DOT1L: variants seen among roughly 807,000 people sequenced by gnomAD.
DOT1L encodes DOT1 like histone lysine methyltransferase.
Under a neutral mutation model 153.3 loss-of-function variants are expected in DOT1L, and 33 were observed. The ratio of observed to expected loss-of-function variants is 0.22; its 90% confidence interval spans 0.16 to 0.29. The LOEUF (loss-of-function observed/expected upper bound fraction) is 0.29, where lower values mean the gene tolerates loss of function less well. Among genes scored for constraint, DOT1L ranks in the 10% least tolerant of loss-of-function variants. The pLI is 1.00. For missense variants in DOT1L, 1,847 were observed against 2,119.9 expected, an observed-to-expected ratio of 0.87 and a Z score of 2.53; for synonymous variants, 1,135 against 965.1, an observed-to-expected ratio of 1.18 and a Z score of -3.26.
At chr19:2,206,388 T>C (rs2023494010) in intron 9 of DOT1L, among the ~76,000 whole-genome samples, 2 of 151,860 alleles carry the variant, frequency 1.3e-5, no homozygotes, top group Admixed American at 6.6e-5. Flanking sequence ...TGAAACCCGC[T>C]CTCTACTAAA....
rs745700742 is a variant in DOT1L, at chr19:2,210,729, C to T, written c.1225C>T (p.Arg409Cys). ...LNKKGRKMAG[R>C]KRGRPKKMNT... ...CAAGAAGGGGAGGAAGATGGCTGGC[C>T]GCAAGCGCGGGCGCCCCAAGAAGAT... The change falls in exon 14 of 28, where the codon CGC (arginine) becomes TGC (cysteine). Residue 409 changes from arginine (R) to cysteine (C), a missense_variant. Physicochemically the swap from Arg to Cys is radical, Grantham distance 180. Transcript: ENST00000398665. The T allele has an allele frequency of 4.3e-6, 7 of 1,613,030 alleles. No individual in the cohort carries two copies. The highest frequency in any genetic ancestry group is 5.9e-6 in the Non-Finnish European group (7 of 1,180,014).
At chr19:2,194,677 G>GTTGGCACATGGCTT (rs1568343550) in intron 7 of DOT1L, 100 bp downstream of exon 7, 1 of 1,335,802 alleles carries the variant, frequency 7.5e-7, no homozygotes, top group African/African-American at 1.4e-5. Flanking sequence ...GCACATGGCT[G>GTTGGCACATGGCTT]TTGGCACATG....
chr19:2,214,765 C>G, intron 19 of DOT1L, 169 bp downstream of exon 19: 1 of 1,025,682 alleles, frequency 9.7e-7, no homozygotes, highest in East Asian at 2.9e-5. Flanking sequence ...CGCAGGCTGC[C>G]CGTGTGGATG....
rs1359433460 is a variant in DOT1L, at chr19:2,204,627, C to T, written c.787+1848C>T. Among the ~76,000 whole-genome samples the T allele has an allele frequency of 6.6e-6, 1 of 152,206 alleles. No individual in the cohort carries two copies. The highest frequency in any genetic ancestry group is 6.5e-5 in the Admixed American group (1 of 15,284). ...CAGACGTGGTGGCTGAGTCAGGGTACTGCAGTGGCGTCTTCTGTCCGGCCC... is the reference window on the plus strand; with the variant it reads ...CAGACGTGGTGGCTGAGTCAGGGTATTGCAGTGGCGTCTTCTGTCCGGCCC... On this transcript the variant is annotated intron_variant, in intron 9 of 27. Transcript: ENST00000398665. The surrounding 1 kb of genome is among the most constrained non-coding windows in gnomAD (Gnocchi z 5.7).
intron 1 of DOT1L, among the ~76,000 whole-genome samples, chr19:2,180,084 T>C (rs1343151244): frequency 6.6e-6 from 1 of 152,148 alleles, no homozygotes; most frequent in East Asian, 1.9e-4. Flanking sequence ...GGGAGGGATC[T>C]GTGTTAGGCC....
chr19:2,173,686 C>T (rs914748306), intron 1 of DOT1L, among the ~76,000 whole-genome samples: 7 of 152,232 alleles, frequency 4.6e-5, no homozygotes, highest in Admixed American at 1.3e-4. Context: ...GCGGGCTGCC[C>T]GGAAGACCTC....
At position 2,193,891 on chromosome 19, in the gene DOT1L, C is replaced by A; in HGVS notation, c.588+108C>A. On this transcript the variant is annotated intron_variant, in intron 6 of 27. Coordinates refer to ENST00000398665, the MANE Select transcript of DOT1L (RefSeq NM_032482.3). The surrounding 1 kb of genome is among the most constrained non-coding windows in gnomAD (Gnocchi z 5.9). ...CTGTGGGACTTCCGAGTCTGGGTGG[C>A]GTTCTTTCCAGGCCCAAGACGTCTT... The A allele has an allele frequency of 1.7e-6, 2 of 1,207,090 alleles. No individual in the cohort carries two copies. The highest frequency in any genetic ancestry group is 2.3e-6 in the Non-Finnish European group (2 of 859,724). 74.8% of individuals were successfully genotyped at this position (1,207,090 alleles called of 1,614,324 possible).
At chr19:2,209,841 C>T (rs1391682174) in intron 12 of DOT1L, among the ~76,000 whole-genome samples, 2 of 152,202 alleles carry the variant, frequency 1.3e-5, no homozygotes, top group Admixed American at 6.5e-5. Flanking sequence ...TGGTACCCCT[C>T]GGGGGCCCTC....
Position 2,227,558 on chromosome 19 carries a change from G to C in DOT1L, c.4606+431G>C, listed in dbSNP as rs2024404566. 5.4e-5 allele frequency: 36 copies of C among 671,046 alleles called. No individual in the cohort carries two copies. In the South Asian group the frequency reaches 6.3e-4, roughly 12 times the overall value. 41.6% of individuals were successfully genotyped at this position (671,046 alleles called of 1,614,324 possible). A position where few individuals can be genotyped will look rare whatever the true frequency, so the allele number is the denominator to read the frequency against. On this transcript the variant is annotated intron_variant, in intron 27 of 27. Transcript: ENST00000398665. ...TGGCCCTGGGGCTGCTGCGGGGCGGGGGGCCGGAGGGCGGAGGGCGGGCCA... is the reference window on the plus strand; with the variant it reads ...TGGCCCTGGGGCTGCTGCGGGGCGGCGGGCCGGAGGGCGGAGGGCGGGCCA...
chr19:2,220,580 C>T lies in DOT1L; in HGVS notation c.2806+358C>T, dbSNP rs1307409523. The T allele has an allele frequency of 2.1e-6, 1 of 465,618 alleles. No homozygotes were observed. Among genetic ancestry groups the T allele is most frequent in the Non-Finnish European group, 4.3e-6 (1 of 231,894 alleles). The allele number at this position is 465,618 out of a possible 1,614,324, so 28.8% of individuals were successfully genotyped here. On this transcript the variant is annotated intron_variant, in intron 23 of 27. Transcript: ENST00000398665. This position sits in a 1 kb window ranked among gnomAD's most constrained non-coding sequence, Gnocchi z 4.5. ...CTCCACACACAGCAGTGCCCAATGGCACACGACCGTGGGCCTCCGTGCTGG... is the reference window on the plus strand; with the variant it reads ...CTCCACACACAGCAGTGCCCAATGGTACACGACCGTGGGCCTCCGTGCTGG...
At position 2,231,890 on chromosome 19, in the gene DOT1L, G is replaced by A. The variant is rs1337035858; in HGVS notation, c.*2098G>A. 4.5e-6 allele frequency: 1 copy of A among 219,942 alleles called. No individual in the cohort carries two copies. Among genetic ancestry groups the A allele is most frequent in the Non-Finnish European group, 9.1e-6 (1 of 109,698 alleles). 13.6% of individuals were successfully genotyped at this position (219,942 alleles called of 1,614,324 possible). ...CCACCGTATGTTCAGGACACGCACT[G>A]GGTCTCAGAGCCACTGGCCCAGGCA... On this transcript the variant is annotated 3_prime_UTR_variant, in exon 28 of 28. Transcript: ENST00000398665.
At chr19:2,178,845 G>A (rs1432310360) in intron 1 of DOT1L, among the ~76,000 whole-genome samples, 1 of 152,230 alleles carries the variant, frequency 6.6e-6, no homozygotes, top group Non-Finnish European at 1.5e-5. Context: ...GATTCCAGGT[G>A]TGAGCCACCA....
rs1305729913 is a variant in DOT1L at position 2,213,610 on chromosome 19, C to G, written c.1629C>G (p.Ile543Met). 13 of 1,613,762 alleles carry G rather than the reference C, an allele frequency of 8.1e-6. No individual in the cohort carries two copies. Among genetic ancestry groups the G allele is most frequent in the Non-Finnish European group, 1.1e-5 (13 of 1,179,994 alleles). ...LSHCQAQKEEIRRLFQQKLDE... is the reference protein window; with the variant it reads ...LSHCQAQKEEMRRLFQQKLDE... ...ACTGCCAGGCCCAGAAGGAGGAGAT[C>G]AGGAGGCTGTTTCAGCAAAAATTGG... The change falls in exon 17 of 28, where the codon ATC becomes ATG. Residue 543 changes from isoleucine to methionine, a missense_variant. By Grantham distance (10) the Ile-to-Met change is conservative. This residue lies in a region of DOT1L where 156 missense variants were observed against 235.7 expected (regional missense o/e 0.66). Coordinates refer to ENST00000398665, the MANE Select transcript of DOT1L (RefSeq NM_032482.3).
At position 2,226,653 on chromosome 19, in the gene DOT1L, G is replaced by T; in HGVS notation, c.4132G>T (p.Gly1378Trp). ...LSKRQLDGLA[G>W]LKGEGSRGKE... ...CAAGAGGCAGCTGGACGGCCTGGCTGGGCTGAAGGGCGAGGGCAGCCGCGG... is the reference window on the plus strand; with the variant it reads ...CAAGAGGCAGCTGGACGGCCTGGCTTGGCTGAAGGGCGAGGGCAGCCGCGG... The change falls in exon 27 of 28, where the codon GGG (glycine) becomes TGG (tryptophan). Residue 1378 changes from glycine to tryptophan, a missense_variant. Physicochemically the swap from Gly to Trp is radical, Grantham distance 184 (BLOSUM62 -2). Transcript: ENST00000398665. 1 of 1,583,248 alleles carries T rather than the reference G, an allele frequency of 6.3e-7. No individual in the cohort carries two copies.
chr19:2,194,052 C>T (rs536746340), intron 6 of DOT1L, among the ~76,000 whole-genome samples: 6 of 152,282 alleles, frequency 3.9e-5, no homozygotes, highest in East Asian at 3.9e-4. Flanking sequence ...ACTAGTGAGG[C>T]GAGAGGTGCT....
intron 18 of DOT1L, 110 bp downstream of exon 18, chr19:2,214,096 G>C: frequency 6.8e-7 from 1 of 1,470,190 alleles, no homozygotes; most frequent in Non-Finnish European, 9.1e-7. Context: ...CTGTTGTGGG[G>C]TTTGTTCCCA....
chr19:2,223,561 G>GGT, intron 25 of DOT1L, 75 bp downstream of exon 25: 2 of 263,852 alleles, frequency 7.6e-6, no homozygotes, highest in South Asian at 3.5e-5. Flanking sequence ...TGTGTGTGTG[G>GGT]GTGGGTGGGT....
At chr19:2,227,862 G>A in intron 27 of DOT1L, 2 of 1,281,858 alleles carry the variant, frequency 1.6e-6, no homozygotes, top group Non-Finnish European at 2.0e-6. Context: ...CAGCGCCTCG[G>A]CCTCTTCCTT....
Position 2,231,172 on chromosome 19 carries a change from G to C in DOT1L, c.*1380G>C. ...GTGGTGGCTCTGTGCCCTCCCTGGA[G>C]GATGGGATCTGGGAGTCTGAGCTCC... is the stretch of plus-strand genomic sequence containing the variant. On this transcript the variant is annotated 3_prime_UTR_variant, in exon 28 of 28. Coordinates refer to ENST00000398665, the MANE Select transcript of DOT1L (RefSeq NM_032482.3). 1 of 227,648 alleles carries C rather than the reference G, an allele frequency of 4.4e-6. No homozygotes were observed. The highest frequency in any genetic ancestry group is 8.7e-6 in the Non-Finnish European group (1 of 114,600). The allele number at this position is 227,648 out of a possible 1,614,324, so 14.1% of individuals were successfully genotyped here. A position where few individuals can be genotyped will look rare whatever the true frequency, so the allele number is the denominator to read the frequency against.
Sources: allele counts gnomAD v4.1 joint callset (sites outside exome capture counted in the v4.1 genomes callset), GRCh38; gene constraint gnomAD v4.1.1; regional missense constraint gnomAD v4.1.1; non-coding constraint Gnocchi (gnomAD v3.1); transcripts MANE v1.5; gene names NCBI Gene and HGNC (gene_info 2026-07-23, HGNC 2026-07-21).